The following ERG variants were observed in gnomAD, a reference collection of about 807,000 sequenced individuals.
ERG encodes ETS transcription factor ERG, also known as transcriptional regulator ERG.
Under a neutral mutation model 55.3 loss-of-function variants are expected in ERG, and 9 were observed. The observed-to-expected ratio is 0.16, with a 90% CI of 0.10 to 0.28. The LOEUF (loss-of-function observed/expected upper bound fraction) is 0.28. Among genes scored for constraint, ERG ranks in the 10% least tolerant of loss-of-function variants. The pLI, the probability that ERG is intolerant of heterozygous loss-of-function variation, is 1.00. For missense variants in ERG, 434 were observed against 631.6 expected, an observed-to-expected ratio of 0.69 and a Z score of 3.35; for synonymous variants, 223 against 237.3, an observed-to-expected ratio of 0.94 and a Z score of 0.55.
chr21:38,503,117 A>C (rs1411261647), upstream of ERG, among the ~76,000 whole-genome samples: 2 of 152,204 alleles, frequency 1.3e-5, no homozygotes, highest in African/African-American at 4.8e-5. Context: ...AATGGCAGAG[A>C]AGCTTTTTGT....
chr21:38,444,237 G>A (rs565510527), intron 2 of ERG, among the ~76,000 whole-genome samples: 2 of 152,360 alleles, frequency 1.3e-5, no homozygotes, highest in East Asian at 3.9e-4. Context: ...TGCTCAGGGT[G>A]TGGAGTCAAA....
At chr21:38,660,113 G>A (rs1473947325) in intron 1 of ERG, among the ~76,000 whole-genome samples, 1 of 152,156 alleles carries the variant, frequency 6.6e-6, no homozygotes, top group African/African-American at 2.4e-5. Context: ...GCCGTCGGGG[G>A]TCATTCCACC....
At chr21:38,604,553 T>C (rs956671017) in intron 1 of ERG, among the ~76,000 whole-genome samples, 3 of 152,250 alleles carry the variant, frequency 2.0e-5, no homozygotes, top group Non-Finnish European at 2.9e-5. Context: ...AATGTTATTA[T>C]AACAGATTTA....
chr21:38,558,436 C>T (rs904504409), intron 2 of ERG, among the ~76,000 whole-genome samples: 58 of 152,168 alleles, frequency 3.8e-4, no homozygotes, highest in African/African-American at 1.3e-3. Flanking sequence ...AATCACAGTC[C>T]CTTCTCTCAA....
chr21:38,633,812 G>T (rs963018564), intron 1 of ERG, among the ~76,000 whole-genome samples: 1 of 150,676 alleles, frequency 6.6e-6, no homozygotes, highest in Admixed American at 6.6e-5. Flanking sequence ...TATTTCATTT[G>T]TTTTGGGTTT....
At chr21:38,614,737 G>A (rs941931058) in intron 1 of ERG, among the ~76,000 whole-genome samples, 2 of 152,240 alleles carry the variant, frequency 1.3e-5, no homozygotes, top group Non-Finnish European at 2.9e-5. Flanking sequence ...CATGTGGGGA[G>A]GAAGGCCAAT....
At chr21:38,498,508 A>C, upstream of ERG, 2 of 1,441,866 alleles carry the variant, frequency 1.4e-6, no homozygotes, top group Non-Finnish European at 1.8e-6. This position sits in a 1 kb window ranked among gnomAD's most constrained non-coding sequence, Gnocchi z 4.6. Context: ...AAATGAAGTC[A>C]GCCAATGGCA....
At chr21:38,636,922 A>C (rs2060392905) in intron 1 of ERG, among the ~76,000 whole-genome samples, 4 of 152,230 alleles carry the variant, frequency 2.6e-5, no homozygotes, top group Admixed American at 2.6e-4. Context: ...AGAGGCGAAC[A>C]CTGTTACAGT....
chr21:38,582,044 CA>C (rs35717235), intron 1 of ERG, among the ~76,000 whole-genome samples: 40,179 of 87,992 alleles, frequency 0.46, 6,015 homozygotes, highest in Middle Eastern at 0.54. Flanking sequence ...CTCCATCTCA[CA>C]AAAAAAAAAA....
chr21:38,466,818 G>A (rs1410994484), intron 1 of ERG, among the ~76,000 whole-genome samples: 3 of 152,084 alleles, frequency 2.0e-5, no homozygotes, highest in Non-Finnish European at 4.4e-5. Flanking sequence ...AGTCATGTGA[G>A]GTCATATACA....
chr21:38,382,616 T>C lies in ERG; in HGVS notation c.*787A>G, dbSNP rs1332499418. On this transcript the variant is annotated 3_prime_UTR_variant, in exon 10 of 10. Coordinates refer to ENST00000288319, the MANE Select transcript of ERG (RefSeq NM_182918.4). ...TAACTCATTGTACACAGTCCCCAAATGTCCTGAGTCCAGTCTTCATTGCTT... is the reference window on the plus strand; with the variant it reads ...TAACTCATTGTACACAGTCCCCAAACGTCCTGAGTCCAGTCTTCATTGCTT... 9.4e-7 allele frequency: 1 copy of C among 1,066,228 alleles called. No homozygotes were observed. Among genetic ancestry groups the C allele is most frequent in the Non-Finnish European group, 1.1e-6 (1 of 879,674 alleles). The allele number at this position is 1,066,228 out of a possible 1,614,324, so 66.0% of individuals were successfully genotyped here.
intron 2 of ERG, among the ~76,000 whole-genome samples, chr21:38,442,974 A>T (rs946623570): frequency 6.6e-6 from 1 of 151,812 alleles, no homozygotes; most frequent in Non-Finnish European, 1.5e-5. Flanking sequence ...CGCCCGGCTA[A>T]TTTTTTGTAT....
chr21:38,622,111 A>G (rs1248493791), intron 1 of ERG, among the ~76,000 whole-genome samples: 1 of 152,230 alleles, frequency 6.6e-6, no homozygotes, highest in Non-Finnish European at 1.5e-5. Context: ...GCTGTCAGAT[A>G]GCAGCTCAGG....
At chr21:38,517,759 T>C (rs747952217) in intron 2 of ERG, among the ~76,000 whole-genome samples, 1 of 152,072 alleles carries the variant, frequency 6.6e-6, no homozygotes, top group Non-Finnish European at 1.5e-5. Context: ...ATATACACAA[T>C]GGAATACTAT....
intron 2 of ERG, among the ~76,000 whole-genome samples, chr21:38,537,634 G>T (rs933861600): frequency 6.6e-6 from 1 of 152,088 alleles, no homozygotes; most frequent in Admixed American, 6.6e-5. Context: ...ATACTTCGTA[G>T]CCATTAGTAT....
At chr21:38,374,271 G>A in the ERG span, among the ~76,000 whole-genome samples, 3 of 152,222 alleles carry the variant, frequency 2.0e-5, no homozygotes, top group Admixed American at 6.5e-5. Context: ...TGCTTTGCCA[G>A]TCCAGCTAAG....
At chr21:38,499,348 G>A (rs747440713), upstream of ERG, among the ~76,000 whole-genome samples, 32 of 152,176 alleles carry the variant, frequency 2.1e-4, no homozygotes, top group Non-Finnish European at 3.2e-4. Flanking sequence ...CAGGGTCACA[G>A]GTCTGTTTTC....
upstream of ERG, among the ~76,000 whole-genome samples, chr21:38,585,101 G>A (rs1568931361): frequency 6.6e-6 from 1 of 152,252 alleles, no homozygotes; most frequent in Non-Finnish European, 1.5e-5. Flanking sequence ...TAAAAAAAGA[G>A]GGGACAACAT....
At chr21:38,513,803 G>A (rs1244110606) in intron 2 of ERG, among the ~76,000 whole-genome samples, 2 of 152,000 alleles carry the variant, frequency 1.3e-5, no homozygotes, top group Admixed American at 6.6e-5. Flanking sequence ...GAACAAAATT[G>A]AGAAAATTGT....
Sources: gnomAD v4.1 joint callset for allele counts (sites outside exome capture counted in the v4.1 genomes callset) on GRCh38, gnomAD v4.1.1 for gene constraint, Gnocchi (gnomAD v3.1) non-coding constraint, MANE v1.5 for transcripts, NCBI Gene and HGNC (gene_info 2026-07-23, HGNC 2026-07-21) for gene names.